TMEM132C: variants seen among roughly 807,000 people sequenced by gnomAD.
TMEM132C encodes protein phosphatase 1, regulatory subunit 152.
TMEM132C carries 29 observed loss-of-function variants against 61.4 expected under a neutral mutation model. That is an observed-to-expected ratio of 0.47 (90% CI 0.35 to 0.64). The LOEUF (loss-of-function observed/expected upper bound fraction) is 0.64. TMEM132C is among the 30% of genes least tolerant of loss of function. TMEM132C has a pLI of 0.00. For synonymous variants in TMEM132C, 656 were observed against 633.1 expected (o/e 1.04, Z -0.54); for missense variants, 1,408 against 1,476.9 (o/e 0.95, Z 0.76).
At chr12:128,422,487 T>C (rs752913161) in intron 2 of TMEM132C, among the ~76,000 whole-genome samples, 3 of 152,210 alleles carry the variant, frequency 2.0e-5, no homozygotes, top group Non-Finnish European at 2.9e-5. Context: ...GTGTGATTCA[T>C]AGACATGGAA....
chr12:128,528,205 G>A (rs1194665281), intron 2 of TMEM132C, among the ~76,000 whole-genome samples: 2 of 152,202 alleles, frequency 1.3e-5, no homozygotes, highest in East Asian at 3.9e-4. Flanking sequence ...CCGTTGGCCA[G>A]CCTCCAGACT....
chr12:128,342,256 C>G (rs981620118), intron 1 of TMEM132C, among the ~76,000 whole-genome samples: 18 of 152,150 alleles, frequency 1.2e-4, no homozygotes, highest in African/African-American at 3.9e-4. Flanking sequence ...ATCTGCCCGC[C>G]TCTGCCTCCC....
intron 2 of TMEM132C, among the ~76,000 whole-genome samples, chr12:128,464,287 C>G (rs1246731799): frequency 6.6e-6 from 1 of 152,196 alleles, no homozygotes; most frequent in Non-Finnish European, 1.5e-5. Context: ...ACGGCAAGGA[C>G]TGCCTTGGAC....
At chr12:128,609,245 C>A (rs1565990371) in intron 3 of TMEM132C, among the ~76,000 whole-genome samples, 1 of 89,498 alleles carries the variant, frequency 1.1e-5, no homozygotes, top group African/African-American at 4.8e-5. Context: ...AACACTGTTA[C>A]CCCCACCTCC....
intron 3 of TMEM132C, among the ~76,000 whole-genome samples, chr12:128,548,143 C>T (rs1211107026): frequency 6.6e-6 from 1 of 152,162 alleles, no homozygotes; most frequent in Non-Finnish European, 1.5e-5. Context: ...GAAAGTCATT[C>T]TAGTCAATAA....
intron 3 of TMEM132C, among the ~76,000 whole-genome samples, chr12:128,555,881 G>GT (rs557692138): frequency 5.3e-5 from 8 of 151,994 alleles, no homozygotes; most frequent in Non-Finnish European, 8.8e-5. Context: ...CACCCAGCTA[G>GT]TTTTTGTTTT....
At chr12:128,397,781 T>C (rs1323650985) in intron 1 of TMEM132C, among the ~76,000 whole-genome samples, 1 of 152,164 alleles carries the variant, frequency 6.6e-6, no homozygotes, top group Non-Finnish European at 1.5e-5. Flanking sequence ...GGTGCAAGTC[T>C]GCCCTCACCT....
chr12:128,490,914 C>T (rs570474251), intron 2 of TMEM132C, among the ~76,000 whole-genome samples: 36 of 152,320 alleles, frequency 2.4e-4, no homozygotes, highest in African/African-American at 8.7e-4. Flanking sequence ...CTGTACTAAG[C>T]CCTCATTGCC....
At chr12:128,697,116 G>A in intron 7 of TMEM132C, 108 bp from the exon 8 acceptor site, 1 of 985,990 alleles carries the variant, frequency 1.0e-6, no homozygotes, top group Non-Finnish European at 1.4e-6. Context: ...CCTTTGCCCT[G>A]TATTCTGGAC....
intron 5 of TMEM132C, among the ~76,000 whole-genome samples, chr12:128,682,513 T>TCTCCTAGGAAGGCGTTGGTC (rs1381150212): frequency 6.6e-6 from 1 of 152,102 alleles, no homozygotes; most frequent in Non-Finnish European, 1.5e-5. Flanking sequence ...GCCCGTTGGT[T>TCTCCTAGGAAGGCGTTGGTC]CTCCTAGGAA....
rs73430703 is a variant in TMEM132C at position 128,668,293 on chromosome 12, G to A, written c.1306-1124G>A. ...TAGGAATGGTTGAAGATGAGGGAAG[G>A]GGAGATGAAGGGGGAAAAAAGATGT... On this transcript the variant is annotated intron_variant, in intron 4 of 8. Coordinates refer to ENST00000435159, the MANE Select transcript of TMEM132C (RefSeq NM_001136103.3). 9.1e-3 allele frequency among the ~76,000 whole-genome samples: 1,385 copies of A among 151,800 alleles called. 30 individuals carry two copies. Among genetic ancestry groups the A allele is most frequent in the African/African-American group, 0.032 (1,331 of 41,368 alleles).
intron 2 of TMEM132C, among the ~76,000 whole-genome samples, chr12:128,470,748 T>C (rs1442386785): frequency 6.6e-6 from 1 of 152,198 alleles, no homozygotes; most frequent in African/African-American, 2.4e-5. Context: ...ACACTTTTTC[T>C]TAGTATAAAA....
intron 4 of TMEM132C, among the ~76,000 whole-genome samples, chr12:128,623,528 C>T (rs1181211571): frequency 6.6e-6 from 1 of 151,700 alleles, no homozygotes; most frequent in African/African-American, 2.4e-5. Context: ...TAACTTCAGC[C>T]GGGTGCATTG....
chr12:128,279,989 C>T (rs539764209), intron 1 of TMEM132C, among the ~76,000 whole-genome samples: 80 of 152,260 alleles, frequency 5.3e-4, no homozygotes, highest in Admixed American at 8.5e-4. Flanking sequence ...AATGAATGAA[C>T]GGACAAGTGA....
intron 3 of TMEM132C, among the ~76,000 whole-genome samples, chr12:128,593,747 G>C (rs529422390): frequency 6.6e-6 from 1 of 152,314 alleles, no homozygotes; most frequent in Non-Finnish European, 1.5e-5. Context: ...CATTCCACCA[G>C]GTTCCAATCC....
intron 1 of TMEM132C, among the ~76,000 whole-genome samples, chr12:128,283,238 G>C (rs1870951863): frequency 6.6e-6 from 1 of 152,160 alleles, no homozygotes. Context: ...GACAACTTCT[G>C]TGTTGTTCTG....
chr12:128,434,708 T>G (rs12582414), intron 2 of TMEM132C, among the ~76,000 whole-genome samples: 28,157 of 152,166 alleles, frequency 0.19, 2,983 homozygotes, highest in East Asian at 0.32. Flanking sequence ...GTTCAAGCAA[T>G]TATTCTGCCT....
chr12:128,291,830 G>C (rs1871255916), intron 1 of TMEM132C, among the ~76,000 whole-genome samples: 1 of 152,206 alleles, frequency 6.6e-6, no homozygotes, highest in Non-Finnish European at 1.5e-5. Context: ...GAGGGAGATT[G>C]AAGTGGGGAA....
intron 1 of TMEM132C, among the ~76,000 whole-genome samples, chr12:128,377,195 CA>C (rs1381262164): frequency 1.3e-5 from 2 of 152,142 alleles, no homozygotes; most frequent in African/African-American, 4.8e-5. Context: ...GCTGGGATTA[CA>C]GGCATGCAGC....
Sources: allele counts gnomAD v4.1 joint callset (sites outside exome capture counted in the v4.1 genomes callset), GRCh38; gene constraint gnomAD v4.1.1; transcripts MANE v1.5; gene names NCBI Gene and HGNC (gene_info 2026-07-23, HGNC 2026-07-21).